CRACDL: variants seen among roughly 807,000 people sequenced by gnomAD.
CRACDL encodes the protein CRACD-like protein.
CRACDL carries 26 observed loss-of-function variants against 70.6 expected under a neutral mutation model. The observed-to-expected ratio is 0.37, with a 90% CI of 0.27 to 0.51. The LOEUF (loss-of-function observed/expected upper bound fraction) is 0.51. Ranked by LOEUF, CRACDL falls within the 20% of genes least tolerant of loss-of-function variation. CRACDL has a pLI of 0.94. For synonymous variants in CRACDL, 618 were observed against 615.2 expected (o/e 1.00, Z -0.07); for missense variants, 1,283 against 1,376.9 (o/e 0.93, Z 1.08).
At chr2:98,904,782 C>T (rs1708363075) in intron 1 of CRACDL, among the ~76,000 whole-genome samples, 1 of 152,112 alleles carries the variant, frequency 6.6e-6, no homozygotes, top group Non-Finnish European at 1.5e-5. Context: ...ATGGTTATAC[C>T]TGCTGATATA....
chr2:98,903,663 A>G (rs551116375), intron 1 of CRACDL, among the ~76,000 whole-genome samples: 2 of 152,340 alleles, frequency 1.3e-5, no homozygotes, highest in South Asian at 2.1e-4. Flanking sequence ...CAATATACCA[A>G]TGATGAAACC....
intron 1 of CRACDL, among the ~76,000 whole-genome samples, chr2:98,879,048 G>A (rs1006012963): frequency 1.3e-4 from 20 of 152,134 alleles, no homozygotes; most frequent in African/African-American, 4.3e-4. Flanking sequence ...AAATCTTCCC[G>A]CTGCCCTGGC....
intron 7 of CRACDL, among the ~76,000 whole-genome samples, chr2:98,812,140 T>G (rs1320017209): frequency 6.6e-6 from 1 of 152,198 alleles, no homozygotes; most frequent in Non-Finnish European, 1.5e-5. Flanking sequence ...CGCACTCAGT[T>G]AATTTTTTAT....
chr2:98,884,032 C>T (rs997631650), intron 1 of CRACDL, among the ~76,000 whole-genome samples: 28 of 152,086 alleles, frequency 1.8e-4, no homozygotes, highest in African/African-American at 5.6e-4. Context: ...GGCTGGGAAG[C>T]GGCGTGTGTT....
chr2:98,800,772 C>A (rs1355186151), intron 7 of CRACDL, among the ~76,000 whole-genome samples: 1 of 152,236 alleles, frequency 6.6e-6, no homozygotes, highest in South Asian at 2.1e-4. Context: ...CGAACAAACA[C>A]ACACCACAGA....
intron 7 of CRACDL, among the ~76,000 whole-genome samples, chr2:98,815,087 G>T (rs1704727913): frequency 6.6e-6 from 1 of 151,546 alleles, no homozygotes; most frequent in African/African-American, 2.4e-5. Flanking sequence ...TTAATTCCAA[G>T]AGTACTCATT....
chr2:98,822,349 C>G lies in CRACDL; in HGVS notation c.1924G>C (p.Asp642His), dbSNP rs1427452340. 1 of 1,461,596 alleles carries G rather than the reference C, an allele frequency of 6.8e-7. No individual in the cohort carries two copies. Among genetic ancestry groups the G allele is most frequent in the Non-Finnish European group, 8.9e-7 (1 of 1,117,738 alleles). 90.5% of individuals were successfully genotyped at this position (1,461,596 alleles called of 1,614,324 possible). A position where few individuals can be genotyped will look rare whatever the true frequency, so the allele number is the denominator to read the frequency against. Residue 642 changes from aspartate (D) to histidine (H), a missense_variant, in exon 7 of 10, where the codon GAC (aspartate) becomes CAC (histidine). Around this residue, in one of 2 missense-constraint regions of CRACDL, gnomAD observed 921 missense variants for 881.9 expected, o/e 1.04. Coordinates refer to ENST00000397899, the MANE Select transcript of CRACDL (RefSeq NM_207362.3). This position sits in a 1 kb window ranked among gnomAD's most constrained non-coding sequence, Gnocchi z 4.9. ...LAERGPQDSG[D>H]RAASPAGPRK... ...GGCCCGGCCGGGCTGGCCGCCCTGT[C>G]CCCCGAGTCCTGAGGGCCGCGCTCC...
chr2:98,822,729 A>AGCGGCGGGGAC lies in CRACDL; in HGVS notation c.1533_1543dup (p.Leu515ArgfsTer193). The stretch of plus-strand genomic sequence containing the variant: ...CACCGGGGGAGACTCCGCAGCGGCA[A>AGCGGCGGGGAC]GCGGCGGGGACGCGGCGGGGCCCTC... On this transcript the variant is annotated frameshift_variant, in exon 7 of 10. Transcript: ENST00000397899. LOFTEE classifies it high-confidence loss of function. The surrounding 1 kb of genome is among the most constrained non-coding windows in gnomAD (Gnocchi z 4.9). 2 of 1,258,906 alleles carry AGCGGCGGGGAC rather than the reference A, an allele frequency of 1.6e-6. No homozygotes were observed. The highest frequency in any genetic ancestry group is 9.9e-7 in the Non-Finnish European group (1 of 1,005,818). The allele number at this position is 1,258,906 out of a possible 1,614,324, so 78.0% of individuals were successfully genotyped here.
chr2:98,889,124 CA>C (rs1172537394), intron 1 of CRACDL, among the ~76,000 whole-genome samples: 256 of 87,364 alleles, frequency 2.9e-3, no homozygotes, highest in Middle Eastern at 9.4e-3. Flanking sequence ...AAGACTCTGT[CA>C]AAAAAAAAAG....
At chr2:98,863,861 A>G (rs1707029018) in intron 1 of CRACDL, among the ~76,000 whole-genome samples, 1 of 152,184 alleles carries the variant, frequency 6.6e-6, no homozygotes, top group Admixed American at 6.5e-5. Flanking sequence ...GAGTAGTCAA[A>G]ATCGTAGCAT....
intron 1 of CRACDL, among the ~76,000 whole-genome samples, chr2:98,894,343 T>C (rs1708062239): frequency 1.3e-5 from 2 of 151,020 alleles, no homozygotes; most frequent in African/African-American, 2.4e-5. Flanking sequence ...AGAGCGTCAA[T>C]GTGAATTAGC....
rs1446076392 is a variant in CRACDL at position 98,797,545 on chromosome 2, G to A, written c.2417-8C>T. 3 of 1,613,060 alleles carry A rather than the reference G, an allele frequency of 1.9e-6. No homozygotes were observed. The highest frequency in any genetic ancestry group is 2.5e-6 in the Non-Finnish European group (3 of 1,179,944). ...CAGGCGGCAGACTCTTTTCTGTTGGGTAAAGGCACAAGATTATAGAAACAG... is the reference window on the plus strand; with the variant it reads ...CAGGCGGCAGACTCTTTTCTGTTGGATAAAGGCACAAGATTATAGAAACAG... On this transcript the variant is annotated splice_region_variant and splice_polypyrimidine_tract_variant and intron_variant, in intron 7 of 9. Coordinates refer to ENST00000397899, the MANE Select transcript of CRACDL (RefSeq NM_207362.3).
intron 1 of CRACDL, among the ~76,000 whole-genome samples, chr2:98,911,718 G>A (rs1272398362): frequency 1.3e-5 from 2 of 152,122 alleles, no homozygotes; most frequent in Admixed American, 6.5e-5. Flanking sequence ...GGACAGGTCA[G>A]GGCAGAAACC....
At chr2:98,804,817 T>C (rs1477498953) in intron 7 of CRACDL, among the ~76,000 whole-genome samples, 1 of 152,260 alleles carries the variant, frequency 6.6e-6, no homozygotes, top group Non-Finnish European at 1.5e-5. Context: ...AGGTTATGTG[T>C]TGATCTATTG....
At chr2:98,891,404 A>AAAAAAAAAAAAAAAAAC (rs1707977495) in intron 1 of CRACDL, among the ~76,000 whole-genome samples, 1 of 149,304 alleles carries the variant, frequency 6.7e-6, no homozygotes, top group African/African-American at 2.5e-5. Context: ...AAAAAAAAAA[A>AAAAAAAAAAAAAAAAAC]ATCCAAACTT....
intron 1 of CRACDL, among the ~76,000 whole-genome samples, chr2:98,907,012 C>T (rs1179999193): frequency 2.6e-5 from 4 of 152,134 alleles, no homozygotes; most frequent in African/African-American, 9.7e-5. Flanking sequence ...TAAGTCTTGG[C>T]CAGGTGCAGT....
intron 1 of CRACDL, among the ~76,000 whole-genome samples, chr2:98,870,283 G>T (rs755967614): frequency 8.5e-5 from 13 of 152,174 alleles, no homozygotes; most frequent in Non-Finnish European, 1.5e-4. Context: ...TTCTGAAGAT[G>T]GTTCTGAAAA....
chr2:98,857,518 T>A (rs1440607854), intron 1 of CRACDL, among the ~76,000 whole-genome samples: 1 of 152,252 alleles, frequency 6.6e-6, no homozygotes, highest in Admixed American at 6.5e-5. Context: ...TTAAGATGTA[T>A]ATTATAAGGC....
At chr2:98,865,032 G>A (rs182011535) in intron 1 of CRACDL, among the ~76,000 whole-genome samples, 12 of 152,308 alleles carry the variant, frequency 7.9e-5, no homozygotes. Flanking sequence ...GACTGGAGGT[G>A]CAGGCAGGAA....
Sources: allele counts gnomAD v4.1 joint callset (sites outside exome capture counted in the v4.1 genomes callset), GRCh38; gene constraint gnomAD v4.1.1; regional missense constraint gnomAD v4.1.1; non-coding constraint Gnocchi (gnomAD v3.1); transcripts MANE v1.5; gene names NCBI Gene and HGNC (gene_info 2026-07-23, HGNC 2026-07-21).